CNTNAP2: variants seen among roughly 807,000 people sequenced by gnomAD.
CNTNAP2 encodes contactin-associated protein-like 2.
In CNTNAP2, 98 loss-of-function variants were observed where a neutral mutation model predicts 155.2. The observed-to-expected ratio is 0.63, with a 90% CI of 0.54 to 0.75. The LOEUF (loss-of-function observed/expected upper bound fraction) is 0.75, where lower values mean the gene tolerates loss of function less well. Among genes scored for constraint, CNTNAP2 ranks in the 30% least tolerant of loss-of-function variants. The pLI is 0.00. For missense variants in CNTNAP2, 1,727 were observed against 1,688.1 expected (o/e 1.02, Z -0.40); for synonymous variants, 651 against 631.2 (o/e 1.03, Z -0.47).
At chr7:146,546,033 G>A (rs1298254692) in intron 1 of CNTNAP2, among the ~76,000 whole-genome samples, 1 of 151,886 alleles carries the variant, frequency 6.6e-6, no homozygotes, top group African/African-American at 2.4e-5. Flanking sequence ...GCTTCAGGGG[G>A]CTTGTGGCAT....
At chr7:148,147,286 A>G (rs1320200504) in intron 16 of CNTNAP2, among the ~76,000 whole-genome samples, 1 of 152,152 alleles carries the variant, frequency 6.6e-6, no homozygotes, top group Non-Finnish European at 1.5e-5. Flanking sequence ...TACCTGACAC[A>G]TAGACCCCCC....
At chr7:147,233,806 T>C (rs975961816) in intron 8 of CNTNAP2, among the ~76,000 whole-genome samples, 8 of 152,058 alleles carry the variant, frequency 5.3e-5, no homozygotes, top group African/African-American at 1.4e-4. Flanking sequence ...AACAAAGATA[T>C]ATAATTTAAA....
At chr7:147,706,624 G>T (rs1563059653) in intron 13 of CNTNAP2, among the ~76,000 whole-genome samples, 1 of 152,142 alleles carries the variant, frequency 6.6e-6, no homozygotes. Flanking sequence ...TTTAGGAATT[G>T]TATTTGTATG....
intron 21 of CNTNAP2, among the ~76,000 whole-genome samples, chr7:148,293,180 C>T (rs1247437026): frequency 6.6e-6 from 1 of 152,146 alleles, no homozygotes; most frequent in Non-Finnish European, 1.5e-5. Context: ...CACCTCAATA[C>T]ATGCATTCCT....
intron 1 of CNTNAP2, among the ~76,000 whole-genome samples, chr7:146,521,950 A>G (rs1017514628): frequency 1.3e-5 from 2 of 151,978 alleles, no homozygotes; most frequent in African/African-American, 4.8e-5. Context: ...ATTGTAAAAC[A>G]CACAAATGAT....
At chr7:146,955,535 C>T (rs1247570819) in intron 3 of CNTNAP2, among the ~76,000 whole-genome samples, 2 of 151,824 alleles carry the variant, frequency 1.3e-5, no homozygotes, top group African/African-American at 4.8e-5. Context: ...GTGTGCCTCA[C>T]TAAGGTAAAC....
chr7:146,463,087 A>G (rs1473997834), intron 1 of CNTNAP2, among the ~76,000 whole-genome samples: 2 of 152,148 alleles, frequency 1.3e-5, no homozygotes, highest in Non-Finnish European at 2.9e-5. Context: ...AGAAAGTATT[A>G]GAGGATAAAT....
chr7:146,810,872 T>A (rs1439202197), intron 2 of CNTNAP2, among the ~76,000 whole-genome samples: 1 of 152,226 alleles, frequency 6.6e-6, no homozygotes, highest in African/African-American at 2.4e-5. Flanking sequence ...TTAAATGCTT[T>A]GTTGCATCTA....
chr7:146,555,290 C>T (rs1406441724), intron 1 of CNTNAP2, among the ~76,000 whole-genome samples: 2 of 152,166 alleles, frequency 1.3e-5, no homozygotes, highest in Non-Finnish European at 2.9e-5. Flanking sequence ...GAAAAGAAAC[C>T]TTTGCTTTAG....
rs1804053909 is a variant in CNTNAP2, at chr7:147,246,042, T to TGCATATATTTATACACATATATATG, written c.1349-54091_1349-54090insTTATACACATATATATGGCATATAT. On this transcript the variant is annotated intron_variant, in intron 8 of 23. Transcript: ENST00000361727. ...AAGACTCACACATACACATATAACG[T>TGCATATATTTATACACATATATATG]GCATATATATATACACATATATATG... is the stretch of plus-strand genomic sequence containing the variant. Among the ~76,000 whole-genome samples the TGCATATATTTATACACATATATATG allele has an allele frequency of 2.8e-5, 3 of 106,548 alleles. No individual in the cohort carries two copies. The Admixed American group carries it at 3.3e-4, about 12-fold the overall frequency. The allele number at this position is 106,548 out of a possible 152,430, so 69.9% of individuals were successfully genotyped here. A position where few individuals can be genotyped will look rare whatever the true frequency, so the allele number is the denominator to read the frequency against.
At chr7:147,920,461 C>A (rs558043465) in intron 14 of CNTNAP2, among the ~76,000 whole-genome samples, 19 of 152,000 alleles carry the variant, frequency 1.3e-4, no homozygotes, top group Admixed American at 3.3e-4. Context: ...TTCCAGCCTA[C>A]GAAGAGGATG....
intron 11 of CNTNAP2, among the ~76,000 whole-genome samples, chr7:147,503,675 T>C (rs947062241): frequency 7.2e-6 from 1 of 138,130 alleles, no homozygotes; most frequent in Non-Finnish European, 1.5e-5. Context: ...TAAACGGATT[T>C]CTCTTTTGTA....
intron 8 of CNTNAP2, among the ~76,000 whole-genome samples, chr7:147,284,850 G>T (rs1404855579): frequency 6.6e-6 from 1 of 151,846 alleles, no homozygotes; most frequent in African/African-American, 2.4e-5. Context: ...ACCTTTCAAG[G>T]TTCAGTCCTC....
At chr7:148,311,771 C>A (rs1389165360) in intron 21 of CNTNAP2, among the ~76,000 whole-genome samples, 1 of 151,982 alleles carries the variant, frequency 6.6e-6, no homozygotes. Context: ...TGGTGTGTGG[C>A]GATTAGGCCT....
At chr7:146,542,106 T>A (rs1187378880) in intron 1 of CNTNAP2, among the ~76,000 whole-genome samples, 2 of 151,886 alleles carry the variant, frequency 1.3e-5, no homozygotes, top group Non-Finnish European at 2.9e-5. Context: ...AGGCAGGGTG[T>A]TCAAGGAAAT....
intron 22 of CNTNAP2, among the ~76,000 whole-genome samples, chr7:148,394,644 G>A (rs375138203): frequency 1.3e-5 from 2 of 152,228 alleles, no homozygotes; most frequent in South Asian, 2.1e-4. Flanking sequence ...TCCAAGTTGC[G>A]AAATGATTCA....
chr7:146,583,620 A>G (rs755183914), intron 1 of CNTNAP2, among the ~76,000 whole-genome samples: 7 of 152,220 alleles, frequency 4.6e-5, no homozygotes, highest in Non-Finnish European at 7.3e-5. Context: ...GAAAAAATAC[A>G]TAGTTTAAAT....
At chr7:146,301,671 G>T (rs1048258869) in intron 1 of CNTNAP2, among the ~76,000 whole-genome samples, 1 of 151,952 alleles carries the variant, frequency 6.6e-6, no homozygotes. Flanking sequence ...GATATACATG[G>T]TATCATTTCA....
chr7:147,351,461 T>C (rs1301970790), intron 9 of CNTNAP2, among the ~76,000 whole-genome samples: 1 of 151,796 alleles, frequency 6.6e-6, no homozygotes, highest in East Asian at 1.9e-4. Flanking sequence ...TCTGAGAATT[T>C]CACAATAATA....
Sources: gnomAD v4.1 joint callset for allele counts (sites outside exome capture counted in the v4.1 genomes callset) on GRCh38, gnomAD v4.1.1 for gene constraint, MANE v1.5 for transcripts, NCBI Gene and HGNC (gene_info 2026-07-23, HGNC 2026-07-21) for gene names.